Variants in GPM6A observed in about 807,000 individuals in gnomAD.
GPM6A encodes neuronal membrane glycoprotein M6-a.
GPM6A carries 7 observed loss-of-function variants against 32.1 expected under a neutral mutation model. The ratio of observed to expected loss-of-function variants is 0.22; its 90% CI spans 0.12 to 0.41. GPM6A has a LOEUF of 0.41. Among genes scored for constraint, GPM6A ranks in the 10% least tolerant of loss-of-function variants. GPM6A has a pLI of 1.00. For missense variants in GPM6A, 235 were observed against 347.2 expected, an observed-to-expected ratio of 0.68 and a Z score of 2.57; for synonymous variants, 130 against 123.4, an observed-to-expected ratio of 1.05 and a Z score of -0.35.
chr4:175,741,648 C>T (rs1025595796), intron 1 of GPM6A, among the ~76,000 whole-genome samples: 26 of 152,072 alleles, frequency 1.7e-4, no homozygotes, highest in African/African-American at 6.3e-4. Context: ...ATCACACTCA[C>T]ACTTGTGGGT....
At chr4:175,928,364 C>T (rs17062271) in intron 1 of GPM6A, among the ~76,000 whole-genome samples, 23,768 of 152,134 alleles carry the variant, frequency 0.16, 2,263 homozygotes, top group African/African-American at 0.27. Context: ...CTTGCTCTAG[C>T]GATACAAGCC....
rs139175543 is a variant in GPM6A at position 175,680,258 on chromosome 4, G to C, written c.231-6422C>G. 3.2e-3 allele frequency among the ~76,000 whole-genome samples: 488 copies of C among 152,194 alleles called. 5 individuals carry two copies. The highest frequency in any genetic ancestry group is 0.031 in the East Asian group (158 of 5,176). On this transcript the variant is annotated intron_variant, in intron 2 of 6. Coordinates refer to ENST00000393658, the MANE Select transcript of GPM6A (RefSeq NM_201591.3). The stretch of plus-strand genomic sequence containing the variant: ...CCTCCAAACCCAGTCTATCGCTACA[G>C]GGATTTTTATTGCTTTCCTCCTTTG...
chr4:175,852,409 A>C (rs1736287165), intron 1 of GPM6A, among the ~76,000 whole-genome samples: 1 of 152,184 alleles, frequency 6.6e-6, no homozygotes, highest in Non-Finnish European at 1.5e-5. Flanking sequence ...TGGCTTTAAA[A>C]ATTTAAGTCT....
intron 1 of GPM6A, among the ~76,000 whole-genome samples, chr4:175,860,144 AAAG>A (rs1366771915): frequency 6.6e-6 from 1 of 151,996 alleles, no homozygotes; most frequent in African/African-American, 2.4e-5. Context: ...GACACTAGAA[AAAG>A]AAGAGCCAAT....
chr4:175,691,766 G>T (rs1174384205), intron 2 of GPM6A, among the ~76,000 whole-genome samples: 1 of 152,196 alleles, frequency 6.6e-6, no homozygotes, highest in Non-Finnish European at 1.5e-5. Context: ...ATTTGGAGAT[G>T]TGATTAAATT....
At chr4:175,999,127 C>T (rs1383444161) in intron 1 of GPM6A, among the ~76,000 whole-genome samples, 3 of 152,208 alleles carry the variant, frequency 2.0e-5, no homozygotes, top group African/African-American at 4.8e-5. Context: ...TCATATTCAA[C>T]ATCATTTTTA....
At chr4:175,656,588 A>G (rs1200385327) in intron 3 of GPM6A, among the ~76,000 whole-genome samples, 4 of 152,174 alleles carry the variant, frequency 2.6e-5, no homozygotes. Flanking sequence ...GCAAGGTTTC[A>G]TGTTCTTTAG....
At chr4:175,693,616 G>T (rs1744416636) in intron 2 of GPM6A, among the ~76,000 whole-genome samples, 1 of 152,040 alleles carries the variant, frequency 6.6e-6, no homozygotes, top group South Asian at 2.1e-4. Flanking sequence ...ATGATGCCAA[G>T]AAAGTATTTC....
rs150931644 is a variant in GPM6A, at chr4:175,677,949, T to C, written c.231-4113A>G. On this transcript the variant is annotated intron_variant, in intron 2 of 6. Transcript: ENST00000393658. ...GTTTTAGCCTAAGTCAGTCACATGA[T>C]GGTTAGGATATAGCTATCTCTATTA... Among the ~76,000 whole-genome samples, 34 of 152,286 alleles carry C rather than the reference T, an allele frequency of 2.2e-4. No homozygotes were observed. In the Middle Eastern group the frequency reaches 0.01, roughly 46 times the overall value.
chr4:175,889,850 G>T (rs1448652889), intron 1 of GPM6A, among the ~76,000 whole-genome samples: 1 of 151,024 alleles, frequency 6.6e-6, no homozygotes, highest in South Asian at 2.1e-4. Context: ...AAGAAAGAAA[G>T]AAAAACGAGC....
chr4:175,758,835 G>A (rs1732630689), intron 1 of GPM6A, among the ~76,000 whole-genome samples: 1 of 152,112 alleles, frequency 6.6e-6, no homozygotes, highest in Non-Finnish European at 1.5e-5. Context: ...GAGGCGGTCA[G>A]CTTTCAATTT....
At chr4:175,648,450 T>A (rs529877958) in intron 4 of GPM6A, among the ~76,000 whole-genome samples, 4 of 152,202 alleles carry the variant, frequency 2.6e-5, no homozygotes, top group African/African-American at 9.6e-5. Context: ...CAAGTAAATG[T>A]AGGAGATCAC....
At chr4:175,892,751 G>A (rs1205003020) in intron 1 of GPM6A, among the ~76,000 whole-genome samples, 1 of 152,144 alleles carries the variant, frequency 6.6e-6, no homozygotes, top group African/African-American at 2.4e-5. Context: ...TCATCTTTGA[G>A]CAACTATTCC....
At chr4:175,812,498 TTG>T (rs1293303956), upstream of GPM6A, 8 of 1,191,070 alleles carry the variant, frequency 6.7e-6, no homozygotes, top group Non-Finnish European at 8.3e-6. Context: ...AAGCTGCCCA[TTG>T]TGTACCACTG....
chr4:175,667,177 T>A (rs1742797242), intron 3 of GPM6A, among the ~76,000 whole-genome samples: 2 of 152,218 alleles, frequency 1.3e-5, no homozygotes, highest in African/African-American at 4.8e-5. Context: ...CTACTTTGTT[T>A]AGGAAAGCAT....
At chr4:175,651,793 G>A (rs748880422) in intron 4 of GPM6A, 41 bp downstream of exon 4, 3 of 1,520,168 alleles carry the variant, frequency 2.0e-6, no homozygotes, top group African/African-American at 1.4e-5. Context: ...AACACAATAT[G>A]GGATGGTGTT....
At chr4:175,730,149 A>G (rs557293998) in intron 1 of GPM6A, among the ~76,000 whole-genome samples, 45 of 152,216 alleles carry the variant, frequency 3.0e-4, no homozygotes, top group African/African-American at 1.1e-3. Context: ...CAGCTTAAGT[A>G]TAAGCTGCTG....
At chr4:175,929,468 A>T (rs1738956609) in intron 1 of GPM6A, among the ~76,000 whole-genome samples, 1 of 152,206 alleles carries the variant, frequency 6.6e-6, no homozygotes, top group Admixed American at 6.5e-5. Flanking sequence ...AACAAAGATA[A>T]ACTCAGTGAT....
intron 1 of GPM6A, among the ~76,000 whole-genome samples, chr4:175,890,770 G>C (rs993315125): frequency 6.6e-6 from 1 of 151,816 alleles, no homozygotes; most frequent in Non-Finnish European, 1.5e-5. Flanking sequence ...TGCCCAGACT[G>C]GTCTCAAACC....
Sources: gnomAD v4.1 joint callset for allele counts (sites outside exome capture counted in the v4.1 genomes callset) on GRCh38, gnomAD v4.1.1 for gene constraint, MANE v1.5 for transcripts, NCBI Gene and HGNC (gene_info 2026-07-23, HGNC 2026-07-21) for gene names.